The following PDZRN3 variants were observed in gnomAD, a reference collection of about 807,000 sequenced individuals.
PDZRN3 encodes the protein PDZ domain containing ring finger 3, also known as E3 ubiquitin-protein ligase PDZRN3.
A neutral mutation model predicts 85.7 loss-of-function variants in PDZRN3; 38 were observed. The ratio of observed to expected loss-of-function variants is 0.44; its 90% CI spans 0.34 to 0.58. PDZRN3 has a LOEUF of 0.58. Ranked by LOEUF, PDZRN3 falls within the 20% of genes least tolerant of loss-of-function variation. The pLI is 0.01. For synonymous variants in PDZRN3, 759 were observed against 638.0 expected, an observed-to-expected ratio of 1.19 and a Z score of -2.86; for missense variants, 1,629 against 1,506.4, an observed-to-expected ratio of 1.08 and a Z score of -1.35.
rs370466967 is a variant in PDZRN3 at position 73,545,581 on chromosome 3, C to T, written c.918+56773G>A. 3.3e-4 allele frequency among the ~76,000 whole-genome samples: 50 copies of T among 152,240 alleles called. 1 individual carries two copies. The highest frequency in any genetic ancestry group is 1.0e-3 in the African/African-American group (43 of 41,538). On this transcript the variant is annotated intron_variant, in intron 3 of 9. Coordinates refer to ENST00000263666, the MANE Select transcript of PDZRN3 (RefSeq NM_015009.3). Reference sequence around the variant, plus strand: ...AGATACAAAGAGGAGGCAAATGTCACGGTCTGCACTATGAGGAATTGCCAA... The same window carrying T: ...AGATACAAAGAGGAGGCAAATGTCATGGTCTGCACTATGAGGAATTGCCAA...
chr3:73,599,885 A>G (rs975023816), intron 3 of PDZRN3, among the ~76,000 whole-genome samples: 1 of 152,270 alleles, frequency 6.6e-6, no homozygotes, highest in Admixed American at 6.5e-5. Context: ...TCACTGTGCC[A>G]GAACACTGGC....
chr3:73,409,964 GAATGC>G (rs927919130), intron 3 of PDZRN3, among the ~76,000 whole-genome samples: 12 of 152,262 alleles, frequency 7.9e-5, no homozygotes, highest in African/African-American at 2.9e-4. Context: ...TATAAAGTAC[GAATGC>G]AATTTTAAAT....
chr3:73,475,217 A>C (rs922266352), intron 3 of PDZRN3, among the ~76,000 whole-genome samples: 1 of 152,288 alleles, frequency 6.6e-6, no homozygotes. Flanking sequence ...CCTTTAACCA[A>C]GAAGACCCTG....
rs1702914869 is a variant in PDZRN3 at position 73,624,016 on chromosome 3, G to A, written c.723+87C>T. The A allele has an allele frequency of 4.0e-6, 5 of 1,245,606 alleles. No individual in the cohort carries two copies. The South Asian group carries it at 7.2e-5, about 18-fold the overall frequency. 77.2% of individuals were successfully genotyped at this position (1,245,606 alleles called of 1,614,324 possible). A position where few individuals can be genotyped will look rare whatever the true frequency, so the allele number is the denominator to read the frequency against. ...AGCAAGGATGTTCCCGGGAAGCTCGGGGCATCCCTGTACCCAAAGGGATGG... is the reference window on the plus strand; with the variant it reads ...AGCAAGGATGTTCCCGGGAAGCTCGAGGCATCCCTGTACCCAAAGGGATGG... On this transcript the variant is annotated intron_variant, in intron 1 of 9. Coordinates refer to ENST00000263666, the MANE Select transcript of PDZRN3 (RefSeq NM_015009.3).
At chr3:73,595,673 C>G (rs1251258359) in intron 3 of PDZRN3, among the ~76,000 whole-genome samples, 2 of 152,084 alleles carry the variant, frequency 1.3e-5, no homozygotes, top group Non-Finnish European at 2.9e-5. Flanking sequence ...AACATCTAAG[C>G]AAAGATCACA....
rs564727268 is a variant in PDZRN3, at chr3:73,471,664, T to C, written c.919-67269A>G. On this transcript the variant is annotated intron_variant, in intron 3 of 9. Transcript: ENST00000263666. ...TACTGGTTTTGCCCTCAAGGAGGGC[T>C]GGGACTCCCTTGCTGTCTGTCACTG... 2.0e-5 allele frequency among the ~76,000 whole-genome samples: 3 copies of C among 152,346 alleles called. No homozygotes were observed. In the South Asian group the frequency reaches 6.2e-4, roughly 32 times the overall value.
chr3:73,446,281 G>A (rs1243838507), intron 3 of PDZRN3, among the ~76,000 whole-genome samples: 3 of 152,168 alleles, frequency 2.0e-5, no homozygotes, highest in Admixed American at 2.0e-4. Flanking sequence ...AATAAATACA[G>A]TTACATGGGC....
intron 3 of PDZRN3, among the ~76,000 whole-genome samples, chr3:73,504,606 A>G (rs1227470359): frequency 6.6e-6 from 1 of 152,106 alleles, no homozygotes; most frequent in Non-Finnish European, 1.5e-5. Context: ...CTGACAAATC[A>G]TTTGGTTGGT....
intron 3 of PDZRN3, among the ~76,000 whole-genome samples, chr3:73,565,786 AACAC>A (rs61564723): frequency 0.059 from 2,248 of 37,814 alleles, 50 homozygotes; most frequent in African/African-American, 0.083. Flanking sequence ...AAAAATACAA[AACAC>A]ACACACACAC....
At chr3:73,522,002 T>G (rs903827795) in intron 3 of PDZRN3, among the ~76,000 whole-genome samples, 3 of 152,212 alleles carry the variant, frequency 2.0e-5, no homozygotes, top group Admixed American at 1.3e-4. Context: ...GCTTATAAGC[T>G]TTTCAGTGGT....
At chr3:73,604,906 G>A (rs561394155) in intron 2 of PDZRN3, among the ~76,000 whole-genome samples, 1 of 152,282 alleles carries the variant, frequency 6.6e-6, no homozygotes, top group Admixed American at 6.5e-5. Context: ...CAGTGGTGAG[G>A]GGTGGGGAAG....
At chr3:73,562,871 C>T (rs146322241) in intron 3 of PDZRN3, among the ~76,000 whole-genome samples, 8 of 151,086 alleles carry the variant, frequency 5.3e-5, no homozygotes, top group African/African-American at 1.9e-4. Context: ...TTAAGTGATA[C>T]TGTCAACATA....
intron 3 of PDZRN3, among the ~76,000 whole-genome samples, chr3:73,410,832 C>T (rs1701951668): frequency 6.6e-6 from 1 of 152,228 alleles, no homozygotes; most frequent in Non-Finnish European, 1.5e-5. Context: ...AATCTCATTT[C>T]AAGCAATGGC....
At chr3:73,429,516 G>T (rs976295196) in intron 3 of PDZRN3, among the ~76,000 whole-genome samples, 3 of 152,154 alleles carry the variant, frequency 2.0e-5, no homozygotes, top group Non-Finnish European at 4.4e-5. Context: ...ATGCAAGCAG[G>T]ATTGTGCAAA....
chr3:73,578,765 C>T (rs561982233), intron 3 of PDZRN3, among the ~76,000 whole-genome samples: 1 of 152,090 alleles, frequency 6.6e-6, no homozygotes, highest in African/African-American at 2.4e-5. Flanking sequence ...GAGGAACCTG[C>T]CCCCCTTTCT....
At chr3:73,458,170 A>G (rs1703026542) in intron 3 of PDZRN3, among the ~76,000 whole-genome samples, 1 of 152,002 alleles carries the variant, frequency 6.6e-6, no homozygotes, top group Admixed American at 6.6e-5. Context: ...GCCCTTGTCA[A>G]TGGGTTACAG....
intron 3 of PDZRN3, among the ~76,000 whole-genome samples, chr3:73,434,364 G>C (rs1040870987): frequency 6.6e-6 from 1 of 152,074 alleles, no homozygotes; most frequent in African/African-American, 2.4e-5. Context: ...TTATGGAAAG[G>C]ACATGTTTTG....
intron 3 of PDZRN3, among the ~76,000 whole-genome samples, chr3:73,537,971 G>A (rs946431188): frequency 1.3e-4 from 19 of 151,954 alleles, no homozygotes; most frequent in African/African-American, 4.6e-4. Context: ...TTTTTTCCAG[G>A]TATCATAGTC....
intron 6 of PDZRN3, among the ~76,000 whole-genome samples, chr3:73,390,441 C>T (rs1701498200): frequency 6.6e-6 from 1 of 151,990 alleles, no homozygotes; most frequent in African/African-American, 2.4e-5. Context: ...AATTTTATTT[C>T]CTGACAAAAT....
Sources: gnomAD v4.1 joint callset for allele counts (sites outside exome capture counted in the v4.1 genomes callset) on GRCh38, gnomAD v4.1.1 for gene constraint, MANE v1.5 for transcripts, NCBI Gene and HGNC (gene_info 2026-07-23, HGNC 2026-07-21) for gene names.